SPOCK3: variants seen among roughly 807,000 people sequenced by gnomAD.
SPOCK3 encodes SPARC (osteonectin), cwcv and kazal like domains proteoglycan 3.
SPOCK3 carries 30 observed loss-of-function variants against 56.6 expected under a neutral mutation model. The observed-to-expected ratio is 0.53, with a 90% CI of 0.40 to 0.72. The LOEUF (loss-of-function observed/expected upper bound fraction) is 0.72. Ranked by LOEUF, SPOCK3 falls within the 30% of genes least tolerant of loss-of-function variation. The probability of loss-of-function intolerance (pLI) is 0.00; values close to 1 mark genes in which losing one functional copy is unlikely to be tolerated. For missense variants in SPOCK3, 527 were observed against 530.0 expected, an observed-to-expected ratio of 0.99 and a Z score of 0.06; for synonymous variants, 196 against 183.3, an observed-to-expected ratio of 1.07 and a Z score of -0.56.
At chr4:167,185,312 C>G (rs1731848274) in intron 2 of SPOCK3, among the ~76,000 whole-genome samples, 2 of 152,144 alleles carry the variant, frequency 1.3e-5, no homozygotes, top group African/African-American at 4.8e-5. Context: ...ACGCATTTAT[C>G]TTTTACTGTA....
intron 7 of SPOCK3, among the ~76,000 whole-genome samples, chr4:166,791,216 C>T (rs558544937): frequency 6.6e-6 from 1 of 152,026 alleles, no homozygotes; most frequent in African/African-American, 2.4e-5. Flanking sequence ...AGATTCATAA[C>T]TAAAATAGAT....
intron 4 of SPOCK3, among the ~76,000 whole-genome samples, chr4:166,990,118 C>T (rs1475035826): frequency 6.6e-6 from 1 of 152,140 alleles, no homozygotes; most frequent in Non-Finnish European, 1.5e-5. Flanking sequence ...CTAGTACCTG[C>T]CCTGGCAGGC....
intron 2 of SPOCK3, among the ~76,000 whole-genome samples, chr4:167,092,696 T>C (rs1233561722): frequency 1.3e-5 from 2 of 152,198 alleles, no homozygotes; most frequent in African/African-American, 2.4e-5. Context: ...GCAAAGTCTA[T>C]GTCCTTTTAA....
intron 3 of SPOCK3, among the ~76,000 whole-genome samples, chr4:167,053,400 A>T (rs1424975319): frequency 1.3e-5 from 2 of 152,024 alleles, no homozygotes; most frequent in African/African-American, 4.8e-5. Context: ...ATTATCTGCA[A>T]TCTTGGCCAC....
At chr4:167,219,100 T>A (rs1486032750) in intron 2 of SPOCK3, among the ~76,000 whole-genome samples, 1 of 152,164 alleles carries the variant, frequency 6.6e-6, no homozygotes, top group Non-Finnish European at 1.5e-5. Flanking sequence ...TGATACAATG[T>A]TCTAGAAAAG....
intron 2 of SPOCK3, among the ~76,000 whole-genome samples, chr4:167,116,327 G>A (rs1761322457): frequency 6.7e-6 from 1 of 150,192 alleles, no homozygotes; most frequent in African/African-American, 2.4e-5. Context: ...AAAGATGATT[G>A]CTTCCTCTTT....
At chr4:166,947,168 A>G (rs1247774363) in intron 4 of SPOCK3, among the ~76,000 whole-genome samples, 2 of 152,100 alleles carry the variant, frequency 1.3e-5, no homozygotes, top group African/African-American at 2.4e-5. Flanking sequence ...CAATTTTTTC[A>G]TCTCCTATTA....
chr4:167,175,792 G>A (rs952026531), intron 2 of SPOCK3, among the ~76,000 whole-genome samples: 71 of 152,114 alleles, frequency 4.7e-4, no homozygotes, highest in African/African-American at 1.7e-3. Context: ...TGAGAAAATA[G>A]ATTTATGCTA....
chr4:166,826,427 C>T (rs1360803811), intron 6 of SPOCK3, among the ~76,000 whole-genome samples: 1 of 152,054 alleles, frequency 6.6e-6, no homozygotes, highest in African/African-American at 2.4e-5. Flanking sequence ...ATTTAATAGA[C>T]TGTCAAATCA....
chr4:166,840,794 T>TTTTTA (rs1747186941), intron 6 of SPOCK3, among the ~76,000 whole-genome samples: 1 of 147,040 alleles, frequency 6.8e-6, no homozygotes, highest in African/African-American at 2.5e-5. Context: ...TTTTTTTTTT[T>TTTTTA]TTTAGATGCA....
intron 2 of SPOCK3, among the ~76,000 whole-genome samples, chr4:167,109,332 T>G (rs1404651089): frequency 0.014 from 1,214 of 88,248 alleles, 15 homozygotes; most frequent in Non-Finnish European, 0.019. Context: ...TTAATATATA[T>G]TAATATTATA....
At chr4:166,937,228 G>A (rs1008283996) in intron 4 of SPOCK3, among the ~76,000 whole-genome samples, 4 of 151,726 alleles carry the variant, frequency 2.6e-5, no homozygotes, top group Non-Finnish European at 4.4e-5. Context: ...GCATCAAGTC[G>A]TGACTAGAAA....
intron 2 of SPOCK3, among the ~76,000 whole-genome samples, chr4:167,163,023 A>C (rs1765451007): frequency 6.6e-6 from 1 of 151,856 alleles, no homozygotes; most frequent in Admixed American, 6.6e-5. Flanking sequence ...ATGTTTTATG[A>C]CACATATTTG....
intron 5 of SPOCK3, 31 bp from the exon 6 acceptor site, chr4:166,889,275 A>G: frequency 7.3e-7 from 1 of 1,378,144 alleles, no homozygotes. Context: ...AAAGTAATTC[A>G]AATGCTTTAG....
chr4:167,106,400 AAAGTT>A (rs1285912324), intron 2 of SPOCK3, among the ~76,000 whole-genome samples: 1 of 151,932 alleles, frequency 6.6e-6, no homozygotes, highest in East Asian at 1.9e-4. Context: ...TGTCAATTAA[AAAGTT>A]AAGAAGGAAA....
chr4:166,941,029 T>C (rs1579727213), intron 4 of SPOCK3, among the ~76,000 whole-genome samples: 1 of 152,114 alleles, frequency 6.6e-6, no homozygotes, highest in Non-Finnish European at 1.5e-5. Flanking sequence ...ATGCTGCACT[T>C]CTTTTGCTGT....
intron 7 of SPOCK3, among the ~76,000 whole-genome samples, chr4:166,770,815 A>G (rs1272262018): frequency 2.6e-5 from 4 of 152,026 alleles, no homozygotes. Flanking sequence ...GGTTAAGAGT[A>G]AAATAATGGA....
chr4:167,205,439 T>G (rs1349521011), intron 2 of SPOCK3, among the ~76,000 whole-genome samples: 1 of 50,692 alleles, frequency 2.0e-5, no homozygotes, highest in Non-Finnish European at 3.3e-5. Flanking sequence ...TAATATATAA[T>G]ATAATATATA....
intron 3 of SPOCK3, among the ~76,000 whole-genome samples, chr4:167,024,776 A>T (rs1751542841): frequency 6.6e-6 from 1 of 151,998 alleles, no homozygotes; most frequent in Non-Finnish European, 1.5e-5. Flanking sequence ...GGGTCACCAA[A>T]ATCTCACAAA....
Sources: allele counts gnomAD v4.1 joint callset (sites outside exome capture counted in the v4.1 genomes callset), GRCh38; gene constraint gnomAD v4.1.1; transcripts MANE v1.5; gene names NCBI Gene and HGNC (gene_info 2026-07-23, HGNC 2026-07-21).